Variants in AGO3 observed in about 807,000 individuals in gnomAD.
The protein encoded by AGO3 is argonaute RISC catalytic component 3.
In AGO3, 16 loss-of-function variants were observed where a neutral mutation model predicts 105.5. The ratio of observed to expected loss-of-function variants is 0.15; its 90% CI spans 0.10 to 0.23. The LOEUF (loss-of-function observed/expected upper bound fraction) is 0.23, where lower values mean the gene tolerates loss of function less well. AGO3 is among the 10% of genes least tolerant of loss of function. AGO3 has a pLI of 1.00. For missense variants in AGO3, 534 were observed against 1,088.0 expected (o/e 0.49, Z 7.16); for synonymous variants, 340 against 367.3 (o/e 0.93, Z 0.85).
At chr1:35,958,022 A>ACCACTGCACTCCATCCT (rs1553161304) in intron 2 of AGO3, among the ~76,000 whole-genome samples, 3 of 151,628 alleles carry the variant, frequency 2.0e-5, no homozygotes, top group Non-Finnish European at 4.4e-5. Flanking sequence ...CCATGATTGC[A>ACCACTGCACTCCATCCT]CCACTGCACT....
At chr1:35,988,094 A>G (rs1242909967) in intron 5 of AGO3, among the ~76,000 whole-genome samples, 4 of 152,034 alleles carry the variant, frequency 2.6e-5, no homozygotes, top group Admixed American at 6.5e-5. Context: ...AAAAAGACCT[A>G]TGGTAACTTA....
At chr1:35,953,554 C>T (rs1436860160) in intron 2 of AGO3, among the ~76,000 whole-genome samples, 1 of 146,440 alleles carries the variant, frequency 6.8e-6, no homozygotes, top group Non-Finnish European at 1.5e-5. Flanking sequence ...GAGACAGAGT[C>T]TTACTCTATT....
chr1:35,971,372 T>A (rs1646867768), intron 3 of AGO3, among the ~76,000 whole-genome samples: 1 of 151,336 alleles, frequency 6.6e-6, no homozygotes, highest in African/African-American at 2.4e-5. Flanking sequence ...TTGGCCAAGC[T>A]GGTCTTGAAC....
chr1:35,989,497 G>A (rs1285906815), intron 5 of AGO3, among the ~76,000 whole-genome samples: 1 of 152,150 alleles, frequency 6.6e-6, no homozygotes. Context: ...TAGATTTGAT[G>A]AAATGAAGAA....
At chr1:35,930,958 C>T (rs976621081), upstream of AGO3, 5 of 314,684 alleles carry the variant, frequency 1.6e-5, no homozygotes, top group South Asian at 1.6e-4. Flanking sequence ...TGGCCCGGCT[C>T]CCGGACACCT....
intron 5 of AGO3, among the ~76,000 whole-genome samples, chr1:35,987,301 C>G (rs1300876682): frequency 1.3e-5 from 2 of 151,358 alleles, no homozygotes; most frequent in Non-Finnish European, 2.9e-5. Context: ...GCGCTCCAGC[C>G]TGGGCGACAG....
At chr1:35,933,089 A>G (rs1357943847) in intron 1 of AGO3, among the ~76,000 whole-genome samples, 1 of 152,204 alleles carries the variant, frequency 6.6e-6, no homozygotes, top group East Asian at 1.9e-4. Context: ...CCCATTGCTG[A>G]AATGGATACC....
At chr1:35,936,761 G>A (rs1366047754) in intron 1 of AGO3, among the ~76,000 whole-genome samples, 1 of 152,040 alleles carries the variant, frequency 6.6e-6, no homozygotes, top group African/African-American at 2.4e-5. Flanking sequence ...TTGTAGAGAC[G>A]GGATCTTACT....
intron 4 of AGO3, 125 bp downstream of exon 4, chr1:35,972,357 A>G: frequency 3.6e-6 from 4 of 1,101,700 alleles, no homozygotes; most frequent in Non-Finnish European, 3.9e-6. Flanking sequence ...TTGAACAAGA[A>G]TAGCATCCAT....
chr1:35,933,249 G>C (rs1646087308), intron 1 of AGO3, among the ~76,000 whole-genome samples: 1 of 152,138 alleles, frequency 6.6e-6, no homozygotes, highest in Non-Finnish European at 1.5e-5. Context: ...TTTGGCTCAA[G>C]ATTGTCATCA....
chr1:35,975,929 TTTTC>T (rs962536443), intron 5 of AGO3, among the ~76,000 whole-genome samples: 11 of 151,960 alleles, frequency 7.2e-5, no homozygotes, highest in African/African-American at 2.7e-4. Context: ...TTCTTTTTTT[TTTTC>T]TTTCTTTCTT....
At chr1:35,937,092 C>A (rs557634275) in intron 1 of AGO3, among the ~76,000 whole-genome samples, 2 of 152,086 alleles carry the variant, frequency 1.3e-5, no homozygotes, top group Admixed American at 1.3e-4. Context: ...GGGAAATGTC[C>A]CCTTTTATTT....
intron 5 of AGO3, 105 bp downstream of exon 5, chr1:35,973,616 T>C (rs1646906347): frequency 8.3e-7 from 1 of 1,205,236 alleles, no homozygotes; most frequent in Non-Finnish European, 1.1e-6. Context: ...CGAAGTAATA[T>C]TTGGACATGT....
intron 5 of AGO3, among the ~76,000 whole-genome samples, chr1:35,988,153 C>G (rs1011203631): frequency 6.6e-6 from 1 of 152,090 alleles, no homozygotes; most frequent in African/African-American, 2.4e-5. Context: ...ATTTTCTCCC[C>G]AGCTAATGTA....
chr1:36,028,006 T>G (rs1641585450), intron 12 of AGO3, among the ~76,000 whole-genome samples: 1 of 152,080 alleles, frequency 6.6e-6, no homozygotes, highest in South Asian at 2.1e-4. Context: ...GCCCTTAGTT[T>G]CCTCATCTCT....
chr1:35,979,321 G>A (rs1220864180), intron 5 of AGO3, among the ~76,000 whole-genome samples: 3 of 151,904 alleles, frequency 2.0e-5, no homozygotes, highest in South Asian at 2.1e-4. Context: ...CCGAGATCGC[G>A]CCGCTGCACC....
At chr1:35,972,783 A>G (rs894370282) in intron 4 of AGO3, among the ~76,000 whole-genome samples, 3 of 151,546 alleles carry the variant, frequency 2.0e-5, no homozygotes, top group African/African-American at 7.3e-5. Context: ...GGCCTAAGCA[A>G]TCCTCCTACC....
chr1:35,977,895 A>G (rs921734148), intron 5 of AGO3, among the ~76,000 whole-genome samples: 3 of 152,190 alleles, frequency 2.0e-5, no homozygotes, highest in African/African-American at 7.2e-5. Context: ...GTATGGCATC[A>G]TAAATATTTA....
At chr1:35,988,508 TCCACATGTGAG>T (rs1647320815) in intron 5 of AGO3, among the ~76,000 whole-genome samples, 4 of 152,110 alleles carry the variant, frequency 2.6e-5, no homozygotes, top group African/African-American at 9.7e-5. Flanking sequence ...TTTCTTAGAT[TCCACATGTGAG>T]ATCATACAGT....
Sources: allele counts gnomAD v4.1 joint callset (sites outside exome capture counted in the v4.1 genomes callset), GRCh38; gene constraint gnomAD v4.1.1; transcripts MANE v1.5; gene names NCBI Gene and HGNC (gene_info 2026-07-23, HGNC 2026-07-21).